Variants in NRXN1 observed in about 807,000 individuals in gnomAD.
The protein encoded by NRXN1 is neurexin 1.
In NRXN1, 39 loss-of-function variants were observed where a neutral mutation model predicts 150.9. The ratio of observed to expected loss-of-function variants is 0.26; its 90% CI spans 0.20 to 0.34. The LOEUF (loss-of-function observed/expected upper bound fraction) is 0.34. Ranked by LOEUF, NRXN1 falls within the 10% of genes least tolerant of loss-of-function variation. NRXN1 has a pLI of 1.00. For missense variants in NRXN1, 1,815 were observed against 1,949.9 expected, an observed-to-expected ratio of 0.93 and a Z score of 1.30; for synonymous variants, 924 against 757.0, an observed-to-expected ratio of 1.22 and a Z score of -3.62.
At chr2:50,025,136 CAGTG>C (rs1247243981) in intron 21 of NRXN1, among the ~76,000 whole-genome samples, 1 of 152,082 alleles carries the variant, frequency 6.6e-6, no homozygotes, top group Non-Finnish European at 1.5e-5. Context: ...TGGGGGTCGG[CAGTG>C]AGTGAGGTAG....
intron 5 of NRXN1, among the ~76,000 whole-genome samples, chr2:50,895,158 T>A (rs1681726097): frequency 6.6e-6 from 1 of 152,176 alleles, no homozygotes; most frequent in African/African-American, 2.4e-5. Flanking sequence ...GAACCTTCAG[T>A]ACATCTCAAA....
intron 18 of NRXN1, among the ~76,000 whole-genome samples, chr2:50,170,804 T>C (rs1191489581): frequency 6.7e-6 from 1 of 149,730 alleles, no homozygotes; most frequent in Non-Finnish European, 1.5e-5. Context: ...TATGCATCTG[T>C]ATAGTTGGCC....
chr2:50,101,864 T>C (rs750563021), intron 18 of NRXN1, among the ~76,000 whole-genome samples: 18 of 151,976 alleles, frequency 1.2e-4, no homozygotes, highest in African/African-American at 4.8e-5. Context: ...AATGATGCTA[T>C]GTTAGTTTTC....
At chr2:50,219,852 T>C (rs1450025251) in intron 18 of NRXN1, among the ~76,000 whole-genome samples, 4 of 144,616 alleles carry the variant, frequency 2.8e-5, no homozygotes, top group Admixed American at 2.1e-4. Flanking sequence ...ACCACACTAC[T>C]GTACTCTAAT....
rs1680353924 is a variant in NRXN1, at chr2:50,623,184, G to A, written c.1134+130C>T. 5 of 688,214 alleles carry A rather than the reference G, an allele frequency of 7.3e-6. No individual in the cohort carries two copies. The South Asian group carries it at 1.1e-4, about 14-fold the overall frequency. 42.6% of individuals were successfully genotyped at this position (688,214 alleles called of 1,614,324 possible). Reference sequence around the variant, plus strand: ...AAGTATGGCAGGAAGATTCATCTCAGAAGAAGAAAAAGCTAATTTGCAAGT... The same window carrying A: ...AAGTATGGCAGGAAGATTCATCTCAAAAGAAGAAAAAGCTAATTTGCAAGT... On this transcript the variant is annotated intron_variant, in intron 6 of 22. Transcript: ENST00000401669.
At chr2:50,760,854 T>C (rs1701724641) in intron 5 of NRXN1, among the ~76,000 whole-genome samples, 1 of 151,890 alleles carries the variant, frequency 6.6e-6, no homozygotes, top group South Asian at 2.1e-4. Context: ...TGGCCTTATC[T>C]ACCTTGCTTA....
intron 5 of NRXN1, chr2:50,829,677 A>G: frequency 1.2e-6 from 2 of 1,611,008 alleles, no homozygotes; most frequent in Non-Finnish European, 1.7e-6. Context: ...AGGCTGACAC[A>G]GCGGAGCGCC....
In NRXN1 at chr2:49,922,884, AATTG is replaced by A. The variant is rs560188418; in HGVS notation, c.4217-637_4217-634del. ...TACATAAGTATGTGTGTATTTTATT[AATTG>A]ATTGGGGAGCTCCCAAGATGAACTT... On this transcript the variant is annotated intron_variant, in intron 22 of 22. Coordinates refer to ENST00000401669, the MANE Select transcript of NRXN1 (RefSeq NM_001330078.2). 5.4e-3 allele frequency among the ~76,000 whole-genome samples: 816 copies of A among 152,272 alleles called. 5 individuals are homozygous for A. Among genetic ancestry groups the A allele is most frequent in the Non-Finnish European group, 7.7e-3 (523 of 68,004 alleles).
intron 22 of NRXN1, among the ~76,000 whole-genome samples, chr2:49,939,066 G>A (rs1024342634): frequency 7.9e-5 from 12 of 152,126 alleles, no homozygotes; most frequent in African/African-American, 2.4e-4. Context: ...AAATATGTGC[G>A]TGTGTGTATA....
At chr2:50,551,599 A>G (rs1257097442) in intron 9 of NRXN1, among the ~76,000 whole-genome samples, 1 of 152,184 alleles carries the variant, frequency 6.6e-6, no homozygotes, top group Admixed American at 6.5e-5. Flanking sequence ...TGGGTGAAGT[A>G]AAGAAGGAGA....
chr2:50,488,232 G>C (rs1487071896), intron 15 of NRXN1, among the ~76,000 whole-genome samples: 1 of 152,142 alleles, frequency 6.6e-6, no homozygotes, highest in Non-Finnish European at 1.5e-5. Context: ...AACAAATCCA[G>C]TAAACTCATA....
intron 2 of NRXN1, among the ~76,000 whole-genome samples, chr2:51,010,702 T>C (rs1667711159): frequency 6.6e-6 from 1 of 152,002 alleles, no homozygotes; most frequent in South Asian, 2.1e-4. Context: ...AGAACTATAA[T>C]AATACACACT....
chr2:50,431,836 T>G (rs1366661073), intron 17 of NRXN1, among the ~76,000 whole-genome samples: 1 of 152,152 alleles, frequency 6.6e-6, no homozygotes, highest in Non-Finnish European at 1.5e-5. Flanking sequence ...TCTCAACTTT[T>G]TTTTTTCTTT....
chr2:50,802,256 C>T (rs1324000124), intron 5 of NRXN1, among the ~76,000 whole-genome samples: 1 of 151,972 alleles, frequency 6.6e-6, no homozygotes, highest in Admixed American at 6.6e-5. Context: ...CTTTGGGAGG[C>T]CGAGGCAGGG....
At chr2:50,786,740 T>G (rs1289138510) in intron 5 of NRXN1, among the ~76,000 whole-genome samples, 2 of 152,244 alleles carry the variant, frequency 1.3e-5, no homozygotes, top group East Asian at 3.9e-4. Flanking sequence ...ATTCCACCTG[T>G]GCTTTTAACA....
At chr2:50,033,846 C>T (rs575148775) in intron 21 of NRXN1, among the ~76,000 whole-genome samples, 1 of 151,700 alleles carries the variant, frequency 6.6e-6, no homozygotes, top group East Asian at 1.9e-4. Flanking sequence ...CAAAAGCAGA[C>T]ATACATGCAG....
At chr2:50,883,830 T>A (rs1679818716) in intron 5 of NRXN1, among the ~76,000 whole-genome samples, 1 of 151,872 alleles carries the variant, frequency 6.6e-6, no homozygotes, top group Non-Finnish European at 1.5e-5. Context: ...GCCTACAAAC[T>A]GTGATGATTC....
At chr2:50,339,296 G>C (rs961173274) in intron 17 of NRXN1, among the ~76,000 whole-genome samples, 1 of 151,964 alleles carries the variant, frequency 6.6e-6, no homozygotes, top group Non-Finnish European at 1.5e-5. Context: ...TGACAAACAA[G>C]TCACCAAATA....
At chr2:50,403,071 C>A (rs1002133901) in intron 17 of NRXN1, among the ~76,000 whole-genome samples, 1 of 151,620 alleles carries the variant, frequency 6.6e-6, no homozygotes, top group African/African-American at 2.4e-5. Context: ...AGGCTGGGCA[C>A]CCCAGGCATG....
Sources: allele counts gnomAD v4.1 joint callset (sites outside exome capture counted in the v4.1 genomes callset), GRCh38; gene constraint gnomAD v4.1.1; transcripts MANE v1.5; gene names NCBI Gene and HGNC (gene_info 2026-07-23, HGNC 2026-07-21).